Variants in FANCL observed in about 807,000 individuals in gnomAD.
The protein encoded by FANCL is FA complementation group L.
In FANCL, 69 loss-of-function variants were observed where a neutral mutation model predicts 59.4. The ratio of observed to expected loss-of-function variants is 1.16; its 90% confidence interval spans 0.96 to 1.42. The LOEUF (loss-of-function observed/expected upper bound fraction) is 1.42. Ranked by LOEUF, FANCL falls within the 40% of genes most tolerant of loss-of-function variation. FANCL has a pLI of 0.00. For synonymous variants in FANCL, 180 were observed against 147.1 expected, an observed-to-expected ratio of 1.22 and a Z score of -1.62; for missense variants, 519 against 447.2, an observed-to-expected ratio of 1.16 and a Z score of -1.45.
At chr2:58,162,293 T>C (rs937192410) in intron 11 of FANCL, among the ~76,000 whole-genome samples, 1 of 151,878 alleles carries the variant, frequency 6.6e-6, no homozygotes, top group African/African-American at 2.4e-5. Context: ...TCACAAACAC[T>C]TACATCAAGC....
intron 7 of FANCL, among the ~76,000 whole-genome samples, chr2:58,195,801 T>C (rs778155183): frequency 1.3e-5 from 2 of 152,112 alleles, no homozygotes; most frequent in Non-Finnish European, 2.9e-5. Context: ...AGAATATGCA[T>C]TGCTGAATGG....
At chr2:58,232,661 C>T (rs1045476340) in intron 1 of FANCL, among the ~76,000 whole-genome samples, 1 of 151,868 alleles carries the variant, frequency 6.6e-6, no homozygotes, top group Admixed American at 6.6e-5. Flanking sequence ...ATTAGTGGGC[C>T]TCTAACTTTT....
Position 58,159,449 on chromosome 2 carries a change from C to T in FANCL, c.*316G>A. Reference sequence around the variant, plus strand: ...ATCAGCTATACACAATTCCCAAACTCATTTTATGAGCCTCATCAAGATTTT... The same window carrying T: ...ATCAGCTATACACAATTCCCAAACTTATTTTATGAGCCTCATCAAGATTTT... On this transcript the variant is annotated 3_prime_UTR_variant, in exon 14 of 14. Coordinates refer to ENST00000233741, the MANE Select transcript of FANCL (RefSeq NM_018062.4). 6.2e-7 allele frequency: 1 copy of T among 1,613,682 alleles called. No homozygotes were observed. Among genetic ancestry groups the T allele is most frequent in the Non-Finnish European group, 8.5e-7 (1 of 1,179,738 alleles).
At chr2:58,193,715 C>A (rs1689158721) in intron 7 of FANCL, among the ~76,000 whole-genome samples, 1 of 152,082 alleles carries the variant, frequency 6.6e-6, no homozygotes, top group East Asian at 1.9e-4. Context: ...GAAAAAGAAT[C>A]CAGTTGGTCA....
intron 5 of FANCL, among the ~76,000 whole-genome samples, chr2:58,221,601 T>C (rs532878896): frequency 2.0e-5 from 3 of 152,318 alleles, no homozygotes; most frequent in South Asian, 2.1e-4. Context: ...CCAGAAATAC[T>C]GCAATTTTTC....
chr2:58,208,451 T>C (rs1050511041), intron 5 of FANCL, among the ~76,000 whole-genome samples: 5 of 152,236 alleles, frequency 3.3e-5, no homozygotes, highest in East Asian at 1.9e-4. Flanking sequence ...TTCAGGGATG[T>C]TTTTGTTGTT....
chr2:58,229,634 G>A (rs948537261), intron 3 of FANCL, among the ~76,000 whole-genome samples, 180 bp downstream of exon 3: 1 of 152,122 alleles, frequency 6.6e-6, no homozygotes. Context: ...CAACACAAAG[G>A]CTGCCTGGAG....
At chr2:58,221,090 G>A (rs896415040) in intron 5 of FANCL, among the ~76,000 whole-genome samples, 1 of 151,988 alleles carries the variant, frequency 6.6e-6, no homozygotes, top group Non-Finnish European at 1.5e-5. Context: ...GCAGGCGCCT[G>A]TAGTCCCAGC....
intron 11 of FANCL, among the ~76,000 whole-genome samples, chr2:58,162,106 T>C (rs1471380453): frequency 6.6e-6 from 1 of 151,912 alleles, no homozygotes; most frequent in Non-Finnish European, 1.5e-5. Context: ...CTGATAGTAT[T>C]TAAAGAAAGG....
chr2:58,169,355 T>C (rs1285185027), intron 7 of FANCL, among the ~76,000 whole-genome samples: 3 of 151,916 alleles, frequency 2.0e-5, no homozygotes, highest in Non-Finnish European at 4.4e-5. Context: ...AGCAATAGCA[T>C]CAACATCAAC....
chr2:58,212,598 C>T (rs1442587927), intron 5 of FANCL, among the ~76,000 whole-genome samples: 1 of 152,128 alleles, frequency 6.6e-6, no homozygotes, highest in Non-Finnish European at 1.5e-5. Flanking sequence ...CTCTAGGATA[C>T]TCTTAATACC....
intron 5 of FANCL, among the ~76,000 whole-genome samples, chr2:58,220,062 T>C (rs895585033): frequency 2.0e-5 from 3 of 151,644 alleles, no homozygotes; most frequent in African/African-American, 4.9e-5. Context: ...AGAAAACATA[T>C]AAAATAAGAT....
intron 7 of FANCL, among the ~76,000 whole-genome samples, chr2:58,180,485 C>T (rs941296320): frequency 1.3e-5 from 2 of 152,016 alleles, no homozygotes; most frequent in Admixed American, 6.6e-5. Flanking sequence ...CATGTTCTCA[C>T]TCATAAGCTG....
intron 1 of FANCL, among the ~76,000 whole-genome samples, chr2:58,239,611 T>C (rs116263089): frequency 0.015 from 2,270 of 152,314 alleles, 72 homozygotes; most frequent in African/African-American, 0.053. Context: ...TCTTAGATAA[T>C]AGTATATCAT....
chr2:58,214,384 CTCTTA>C (rs776153043), intron 5 of FANCL, among the ~76,000 whole-genome samples: 11 of 152,152 alleles, frequency 7.2e-5, no homozygotes, highest in Non-Finnish European at 1.0e-4. Flanking sequence ...TTGACTATTT[CTCTTA>C]TAACTCTCAA....
chr2:58,228,189 T>C lies in FANCL; in HGVS notation c.217-1405A>G, dbSNP rs183827302. Among the ~76,000 whole-genome samples the C allele has an allele frequency of 1.1e-3, 172 of 152,284 alleles. No individual in the cohort carries two copies. The South Asian group carries it at 0.019, about 17-fold the overall frequency. On this transcript the variant is annotated intron_variant, in intron 3 of 13. Transcript: ENST00000233741. ...TCATTCATTAAAGTAAAACCTGTTA[T>C]AATAAAATGGCAAAAAAGGAAATAA...
intron 7 of FANCL, among the ~76,000 whole-genome samples, chr2:58,187,543 T>C (rs1028889398): frequency 6.6e-6 from 1 of 151,494 alleles, no homozygotes; most frequent in Non-Finnish European, 1.5e-5. Context: ...TGTGCACACG[T>C]ACCCTAAAAC....
intron 7 of FANCL, among the ~76,000 whole-genome samples, chr2:58,166,305 G>T (rs1171200955): frequency 6.6e-6 from 1 of 152,066 alleles, no homozygotes; most frequent in Non-Finnish European, 1.5e-5. Flanking sequence ...TAAATGCAGT[G>T]CTATTTGTAA....
chr2:58,238,045 T>C (rs778500880), intron 1 of FANCL, among the ~76,000 whole-genome samples: 3 of 152,308 alleles, frequency 2.0e-5, no homozygotes, highest in South Asian at 4.1e-4. Flanking sequence ...GCTATGTGAA[T>C]GAGCAATCTT....
Sources: allele counts gnomAD v4.1 joint callset (sites outside exome capture counted in the v4.1 genomes callset), GRCh38; gene constraint gnomAD v4.1.1; transcripts MANE v1.5; gene names NCBI Gene and HGNC (gene_info 2026-07-23, HGNC 2026-07-21).